Variants in WDR64 observed in about 807,000 individuals in gnomAD.
WDR64 encodes WD repeat domain 64, also known as WD repeat-containing protein 64.
WDR64 carries 112 observed loss-of-function variants against 139.3 expected under a neutral mutation model. That is an observed-to-expected ratio of 0.80 (90% CI 0.69 to 0.94). The LOEUF is 0.94. WDR64 is among the 40% of genes least tolerant of loss of function. The pLI, the probability that WDR64 is intolerant of heterozygous loss-of-function variation, is 0.00. For synonymous variants in WDR64, 444 were observed against 437.7 expected (o/e 1.01, Z -0.18); for missense variants, 1,206 against 1,293.1 (o/e 0.93, Z 1.03).
intron 23 of WDR64, among the ~76,000 whole-genome samples, chr1:241,784,820 G>A (rs981597719): frequency 4.6e-5 from 7 of 151,304 alleles, no homozygotes; most frequent in African/African-American, 1.5e-4. Context: ...CGGGCGTGGT[G>A]GCATGAGCCT....
chr1:241,771,936 A>G (rs1658454261), intron 19 of WDR64, among the ~76,000 whole-genome samples: 1 of 22,846 alleles, frequency 4.4e-5, no homozygotes, highest in Admixed American at 4.5e-4. Flanking sequence ...ACATATACAT[A>G]CATACATACA....
At chr1:241,668,640 G>A (rs1666110367) in intron 2 of WDR64, among the ~76,000 whole-genome samples, 1 of 151,896 alleles carries the variant, frequency 6.6e-6, no homozygotes, top group African/African-American at 2.4e-5. Context: ...GCCAGGTGTG[G>A]TGGCTCACAC....
chr1:241,758,970 T>C (rs961560961), intron 15 of WDR64, among the ~76,000 whole-genome samples: 2 of 152,180 alleles, frequency 1.3e-5, no homozygotes, highest in Admixed American at 6.6e-5. Flanking sequence ...CCAATTCAAA[T>C]GTAAGGTTAT....
chr1:241,705,454 A>G (rs1667904054), intron 8 of WDR64, among the ~76,000 whole-genome samples: 1 of 151,628 alleles, frequency 6.6e-6, no homozygotes. Flanking sequence ...AGGCAGGAGA[A>G]TGGCGTGAAC....
chr1:241,696,871 T>G lies in WDR64; in HGVS notation c.974+9276T>G, dbSNP rs995049779. Among the ~76,000 whole-genome samples the G allele has an allele frequency of 6.6e-5, 10 of 152,240 alleles. No homozygotes were observed. In the East Asian group the frequency reaches 1.9e-3, roughly 29 times the overall value. ...ATCCTGTGACTAAGAATGCCTAAGC[T>G]TCTGTAAATGTAGCCCAGCAGGACT... On this transcript the variant is annotated intron_variant, in intron 8 of 27. Coordinates refer to ENST00000437684, the MANE Select transcript of WDR64 (RefSeq NM_001367482.1).
chr1:241,735,732 A>C (rs1669282494), intron 10 of WDR64, among the ~76,000 whole-genome samples: 1 of 150,784 alleles, frequency 6.6e-6, no homozygotes, highest in African/African-American at 2.4e-5. Flanking sequence ...ACAGAGTTTT[A>C]CCATGTTGGC....
intron 8 of WDR64, among the ~76,000 whole-genome samples, chr1:241,696,739 C>T (rs1019043052): frequency 9.2e-5 from 14 of 152,102 alleles, no homozygotes; most frequent in African/African-American, 3.4e-4. Context: ...CCAGAGGTCA[C>T]TCTCATGGCC....
chr1:241,763,972 T>G (rs1209178445), intron 15 of WDR64, among the ~76,000 whole-genome samples: 1 of 152,144 alleles, frequency 6.6e-6, no homozygotes, highest in African/African-American at 2.4e-5. Context: ...AGGAGTTAGC[T>G]TGGCTCAGAT....
intron 2 of WDR64, 180 bp downstream of exon 2, chr1:241,660,840 G>T: frequency 1.6e-6 from 1 of 628,278 alleles, no homozygotes; most frequent in East Asian, 2.8e-5. Context: ...GGTAAAGTAG[G>T]TAACTATTTA....
Position 241,673,642 on chromosome 1 carries a change from C to T in WDR64, c.380-1002C>T, listed in dbSNP as rs998333028. On this transcript the variant is annotated intron_variant, in intron 3 of 27. Transcript: ENST00000437684. ...AACTAATTTGTACCCCTTTGGGGGG[C>T]AATATCTTCTCTGTTGAGATACACG... Among the ~76,000 whole-genome samples the T allele has an allele frequency of 4.0e-4, 61 of 152,186 alleles. 1 individual carries two copies. Among genetic ancestry groups the T allele is most frequent in the South Asian group, 2.1e-4 (1 of 4,836 alleles).
intron 9 of WDR64, among the ~76,000 whole-genome samples, chr1:241,720,558 T>A (rs182947400): frequency 2.0e-5 from 3 of 152,164 alleles, no homozygotes; most frequent in Admixed American, 6.5e-5. Flanking sequence ...TGACCAACGA[T>A]GTTGAGTTTT....
At chr1:241,786,504 A>G (rs1659040897) in intron 23 of WDR64, among the ~76,000 whole-genome samples, 1 of 152,214 alleles carries the variant, frequency 6.6e-6, no homozygotes, top group Non-Finnish European at 1.5e-5. Flanking sequence ...GACCTCTTGG[A>G]GTGAAGTGAT....
intron 12 of WDR64, among the ~76,000 whole-genome samples, chr1:241,742,035 C>A (rs1669567134): frequency 6.6e-6 from 1 of 152,056 alleles, no homozygotes; most frequent in Admixed American, 6.5e-5. Context: ...TTTACTGTAA[C>A]CCCTGTAGAT....
intron 12 of WDR64, among the ~76,000 whole-genome samples, chr1:241,743,543 G>A (rs1007111405): frequency 5.9e-5 from 9 of 152,150 alleles, no homozygotes; most frequent in Middle Eastern, 3.4e-3. Context: ...CCATTTCCTG[G>A]AGGAAAGATG....
At chr1:241,745,141 A>T (rs1236880232) in intron 13 of WDR64, among the ~76,000 whole-genome samples, 1 of 152,058 alleles carries the variant, frequency 6.6e-6, no homozygotes, top group Non-Finnish European at 1.5e-5. Flanking sequence ...CGACATACTA[A>T]ATGAAAGAAC....
intron 27 of WDR64, among the ~76,000 whole-genome samples, chr1:241,796,999 A>T (rs1339479729): frequency 6.6e-6 from 1 of 152,234 alleles, no homozygotes; most frequent in African/African-American, 2.4e-5. Context: ...GGAGGGCTGT[A>T]TAACCATCCT....
At chr1:241,744,289 T>C in intron 12 of WDR64, 104 bp from the exon 13 acceptor site, 1 of 1,404,010 alleles carries the variant, frequency 7.1e-7, no homozygotes, top group African/African-American at 1.4e-5. Context: ...GTGTTAGATG[T>C]ACAGAGTTCC....
At chr1:241,780,569 A>G (rs1658809035) in intron 22 of WDR64, among the ~76,000 whole-genome samples, 1 of 152,190 alleles carries the variant, frequency 6.6e-6, no homozygotes. Context: ...TCTTTAACAC[A>G]TCAAATCAAA....
At chr1:241,683,787 A>G (rs1385000781) in intron 7 of WDR64, 86 bp downstream of exon 7, 11 of 1,136,070 alleles carry the variant, frequency 9.7e-6, no homozygotes, top group Non-Finnish European at 1.1e-5. Flanking sequence ...GAAAAATGAG[A>G]TTTAAATTAC....
Sources: allele counts gnomAD v4.1 joint callset (sites outside exome capture counted in the v4.1 genomes callset), GRCh38; gene constraint gnomAD v4.1.1; transcripts MANE v1.5; gene names NCBI Gene and HGNC (gene_info 2026-07-23, HGNC 2026-07-21).